The following DGKI variants were observed in gnomAD, a reference collection of about 807,000 sequenced individuals.
DGKI encodes DAG kinase iota.
Under a neutral mutation model 147.5 loss-of-function variants are expected in DGKI, and 55 were observed. The observed-to-expected ratio is 0.37, with a 90% CI of 0.30 to 0.47. DGKI has a LOEUF of 0.47. Among genes scored for constraint, DGKI ranks in the 20% least tolerant of loss-of-function variants. The pLI, the probability that DGKI is intolerant of heterozygous loss-of-function variation, is 1.00. For synonymous variants in DGKI, 469 were observed against 477.1 expected, an observed-to-expected ratio of 0.98 and a Z score of 0.22; for missense variants, 1,007 against 1,323.8, an observed-to-expected ratio of 0.76 and a Z score of 3.71.
intron 5 of DGKI, among the ~76,000 whole-genome samples, chr7:137,646,894 A>C (rs970788526): frequency 3.9e-5 from 6 of 152,200 alleles, no homozygotes; most frequent in African/African-American, 9.6e-5. Context: ...AGCATTATCA[A>C]TACTGAAATG....
rs116518895 is a variant in DGKI, at chr7:137,605,380, A to T, written c.1167+3586T>A. On this transcript the variant is annotated intron_variant, in intron 10 of 32. Coordinates refer to ENST00000614521, the MANE Select transcript of DGKI (RefSeq NM_001321708.2). ...TAAAATAAAATAAAATAAAATAAAAAAAGTTGAAATTTTGGTCCCTGATTC... is the reference window on the plus strand; with the variant it reads ...TAAAATAAAATAAAATAAAATAAAATAAGTTGAAATTTTGGTCCCTGATTC... Among the ~76,000 whole-genome samples, 919 of 128,754 alleles carry T rather than the reference A, an allele frequency of 7.1e-3. 15 individuals carry two copies. The highest frequency in any genetic ancestry group is 0.023 in the African/African-American group (734 of 32,398). The allele number at this position is 128,754 out of a possible 152,430, so 84.5% of individuals were successfully genotyped here. A position where few individuals can be genotyped will look rare whatever the true frequency, so the allele number is the denominator to read the frequency against.
intron 1 of DGKI, among the ~76,000 whole-genome samples, chr7:137,769,192 G>C (rs1796107026): frequency 6.6e-6 from 1 of 152,212 alleles, no homozygotes; most frequent in African/African-American, 2.4e-5. Flanking sequence ...AAATGCAAAA[G>C]AAGCCGAGAC....
chr7:137,737,485 T>C (rs954642674), intron 1 of DGKI, among the ~76,000 whole-genome samples: 8 of 151,416 alleles, frequency 5.3e-5, no homozygotes, highest in African/African-American at 9.7e-5. Flanking sequence ...ACCTTGATGA[T>C]AATGGACTTT....
intron 1 of DGKI, among the ~76,000 whole-genome samples, chr7:137,742,113 G>C (rs1263616353): frequency 6.6e-6 from 1 of 152,032 alleles, no homozygotes. Context: ...GGGTAGAGTC[G>C]GATTTATAGT....
At chr7:137,597,052 C>A (rs954436840) in intron 12 of DGKI, among the ~76,000 whole-genome samples, 6 of 152,120 alleles carry the variant, frequency 3.9e-5, no homozygotes, top group African/African-American at 1.4e-4. Context: ...ATGGAGAAAA[C>A]CGATGAGGCA....
At chr7:137,692,130 C>T (rs1585377125) in intron 1 of DGKI, among the ~76,000 whole-genome samples, 1 of 152,142 alleles carries the variant, frequency 6.6e-6, no homozygotes, top group Non-Finnish European at 1.5e-5. Flanking sequence ...GAATCTTATA[C>T]AGTGATCTTT....
intron 27 of DGKI, among the ~76,000 whole-genome samples, chr7:137,457,937 A>G (rs913527779): frequency 6.6e-6 from 1 of 152,098 alleles, no homozygotes; most frequent in Non-Finnish European, 1.5e-5. Flanking sequence ...AAAAAAAAGC[A>G]GCAAATTATA....
chr7:137,788,471 C>T (rs1796739750), intron 1 of DGKI, among the ~76,000 whole-genome samples: 1 of 152,108 alleles, frequency 6.6e-6, no homozygotes, highest in African/African-American at 2.4e-5. Flanking sequence ...TCCAACCTCC[C>T]AGACATGACT....
chr7:137,512,214 T>G lies in DGKI; in HGVS notation c.2248+9652A>C, dbSNP rs368128436. 6.6e-5 allele frequency among the ~76,000 whole-genome samples: 10 copies of G among 152,330 alleles called. No individual in the cohort carries two copies. In the East Asian group the frequency reaches 9.6e-4, roughly 15 times the overall value. Reference sequence around the variant, plus strand: ...TTAAGAGAGAAAATATATAATTTCTTATTAAAATCCCACCACAGCAATGTA... The same window carrying G: ...TTAAGAGAGAAAATATATAATTTCTGATTAAAATCCCACCACAGCAATGTA... On this transcript the variant is annotated intron_variant, in intron 21 of 32. Coordinates refer to ENST00000614521, the MANE Select transcript of DGKI (RefSeq NM_001321708.2).
Position 137,601,331 on chromosome 7 carries a change from C to G in DGKI, c.1168-1426G>C, listed in dbSNP as rs1819984977. 2.6e-5 allele frequency among the ~76,000 whole-genome samples: 4 copies of G among 151,944 alleles called. No individual in the cohort carries two copies. In the South Asian group the frequency reaches 8.3e-4, roughly 31 times the overall value. On this transcript the variant is annotated intron_variant, in intron 10 of 32. Transcript: ENST00000614521. ...TTTTTATCAAGCAATACCAAAAGAG[C>G]TTTAAAAATCAGTAGGATGCCCCAT...
chr7:137,711,072 A>G (rs1204359409), intron 1 of DGKI, among the ~76,000 whole-genome samples: 1 of 152,064 alleles, frequency 6.6e-6, no homozygotes, highest in Non-Finnish European at 1.5e-5. Context: ...TTCCTCTACC[A>G]CTTTAAACTA....
Position 137,517,610 on chromosome 7 carries a change from A to T in DGKI, c.2248+4256T>A, listed in dbSNP as rs1816825505. Among the ~76,000 whole-genome samples, 3 of 152,286 alleles carry T rather than the reference A, an allele frequency of 2.0e-5. No homozygotes were observed. The South Asian group carries it at 6.2e-4, about 32-fold the overall frequency. On this transcript the variant is annotated intron_variant, in intron 21 of 32. Coordinates refer to ENST00000614521, the MANE Select transcript of DGKI (RefSeq NM_001321708.2). ...CGCACCATGGTAATGTAAAGTGTTT[A>T]ACAATGAGAAAAACTGGGGGAGGAA...
chr7:137,485,040 T>C (rs914882103), intron 23 of DGKI, among the ~76,000 whole-genome samples: 1 of 152,054 alleles, frequency 6.6e-6, no homozygotes, highest in Non-Finnish European at 1.5e-5. Flanking sequence ...GAAATCCACC[T>C]TGATCTGGAC....
chr7:137,650,627 C>T (rs1450032963), intron 5 of DGKI, among the ~76,000 whole-genome samples: 1 of 152,184 alleles, frequency 6.6e-6, no homozygotes, highest in Non-Finnish European at 1.5e-5. Flanking sequence ...AGCTCTCTCA[C>T]CCTCTTTCCT....
intron 10 of DGKI, among the ~76,000 whole-genome samples, chr7:137,602,654 G>A (rs1001376870): frequency 1.3e-5 from 2 of 152,038 alleles, no homozygotes; most frequent in Non-Finnish European, 2.9e-5. Flanking sequence ...TGTTACCTCT[G>A]GGTTAAGTAA....
chr7:137,476,663 T>C (rs76949708), intron 23 of DGKI, among the ~76,000 whole-genome samples: 1 of 152,304 alleles, frequency 6.6e-6, no homozygotes, highest in East Asian at 1.9e-4. Flanking sequence ...GCTTTTTTCG[T>C]TTTGTTATTA....
chr7:137,532,020 T>C (rs1463830563), intron 20 of DGKI, among the ~76,000 whole-genome samples: 2 of 83,058 alleles, frequency 2.4e-5, no homozygotes, highest in African/African-American at 9.8e-5. Context: ...ACACATTTCA[T>C]CTACAAACCA....
chr7:137,763,159 G>A (rs1419283729), intron 1 of DGKI, among the ~76,000 whole-genome samples: 1 of 152,158 alleles, frequency 6.6e-6, no homozygotes, highest in Non-Finnish European at 1.5e-5. Flanking sequence ...GCAAAGGACT[G>A]GACACTTTTA....
chr7:137,481,686 A>C (rs1030760168), intron 23 of DGKI, among the ~76,000 whole-genome samples: 9 of 152,108 alleles, frequency 5.9e-5, no homozygotes, highest in African/African-American at 1.7e-4. Context: ...AAAAGGAAGA[A>C]ACCAAAGCAA....
Sources: allele counts gnomAD v4.1 joint callset (sites outside exome capture counted in the v4.1 genomes callset), GRCh38; gene constraint gnomAD v4.1.1; transcripts MANE v1.5; gene names NCBI Gene and HGNC (gene_info 2026-07-23, HGNC 2026-07-21).